Variants in TENM4 observed in about 807,000 individuals in gnomAD.
TENM4 encodes the protein teneurin-4.
Under a neutral mutation model 243.3 loss-of-function variants are expected in TENM4, and 82 were observed. The observed-to-expected ratio is 0.34, with a 90% CI of 0.28 to 0.40. TENM4 has a LOEUF of 0.40. Among genes scored for constraint, TENM4 ranks in the 10% least tolerant of loss-of-function variants. TENM4 has a pLI of 1.00. For missense variants in TENM4, 3,138 were observed against 3,673.3 expected (o/e 0.85, Z 3.77); for synonymous variants, 1,412 against 1,456.3 (o/e 0.97, Z 0.69).
At chr11:79,398,182 A>G (rs1858384173) in intron 1 of TENM4, among the ~76,000 whole-genome samples, 2 of 151,802 alleles carry the variant, frequency 1.3e-5, no homozygotes, top group East Asian at 3.9e-4. Context: ...TTTTTTTCCT[A>G]TGCTTTGCAA....
chr11:79,017,106 C>T lies in TENM4; in HGVS notation c.493+47632G>A, dbSNP rs182672681. On this transcript the variant is annotated intron_variant, in intron 6 of 33. Coordinates refer to ENST00000278550, the MANE Select transcript of TENM4 (RefSeq NM_001098816.3). ...AGTGGGCTGCATTGAGGTCAGGTGA[C>T]GAGAATGATGGAGGAGATCAATTTT... is the stretch of plus-strand genomic sequence containing the variant. Among the ~76,000 whole-genome samples the T allele has an allele frequency of 5.5e-3, 831 of 152,278 alleles. 4 individuals carry two copies. The highest frequency in any genetic ancestry group is 6.9e-3 in the Non-Finnish European group (468 of 68,022).
chr11:79,319,747 G>T (rs1856857939), intron 1 of TENM4, among the ~76,000 whole-genome samples: 1 of 151,932 alleles, frequency 6.6e-6, no homozygotes, highest in Non-Finnish European at 1.5e-5. Flanking sequence ...TGTGTTGAAA[G>T]ATGCAAGTGG....
intron 1 of TENM4, among the ~76,000 whole-genome samples, chr11:79,428,998 T>C (rs1859112311): frequency 6.6e-6 from 1 of 152,214 alleles, no homozygotes; most frequent in Non-Finnish European, 1.5e-5. Context: ...GGTGGGGGCA[T>C]GGTGCTAGTC....
intron 2 of TENM4, among the ~76,000 whole-genome samples, chr11:79,274,897 C>T (rs1057386616): frequency 6.6e-6 from 1 of 152,212 alleles, no homozygotes; most frequent in Non-Finnish European, 1.5e-5. Flanking sequence ...AGACTTCTCC[C>T]CGGGCCTCAG....
intron 1 of TENM4, among the ~76,000 whole-genome samples, chr11:79,409,211 A>G (rs528267112): frequency 6.6e-6 from 1 of 152,014 alleles, no homozygotes; most frequent in South Asian, 2.1e-4. Context: ...AAAAAAAAAA[A>G]AAGATTATAC....
At chr11:79,411,692 G>GGGTTTTT (rs1272999224) in intron 1 of TENM4, among the ~76,000 whole-genome samples, 1 of 152,104 alleles carries the variant, frequency 6.6e-6, no homozygotes, top group Non-Finnish European at 1.5e-5. Context: ...TGAGGTTTTG[G>GGGTTTTT]GGTTTTTGGT....
chr11:78,693,654 C>T (rs1565335159), intron 28 of TENM4, among the ~76,000 whole-genome samples: 1 of 152,114 alleles, frequency 6.6e-6, no homozygotes, highest in Non-Finnish European at 1.5e-5. Flanking sequence ...TTATTTCCTC[C>T]CACTGATTTT....
At chr11:79,021,683 G>A (rs183772360) in intron 6 of TENM4, 2 of 152,446 alleles carry the variant, frequency 1.3e-5, no homozygotes, top group East Asian at 1.9e-4. Context: ...GTACTGAAAT[G>A]GTCATAGGGT....
At chr11:79,131,832 G>A (rs185602754) in intron 4 of TENM4, among the ~76,000 whole-genome samples, 3 of 152,210 alleles carry the variant, frequency 2.0e-5, no homozygotes, top group Admixed American at 6.5e-5. Context: ...TTAAAGTAAA[G>A]GGGTGGGAAA....
At chr11:78,866,427 A>G (rs961561862) in intron 9 of TENM4, among the ~76,000 whole-genome samples, 4 of 143,110 alleles carry the variant, frequency 2.8e-5, no homozygotes, top group Non-Finnish European at 6.0e-5. Flanking sequence ...GCTTTCTTTT[A>G]TATTTAACAA....
At chr11:79,244,004 T>C (rs1294156406) in intron 2 of TENM4, among the ~76,000 whole-genome samples, 2 of 152,210 alleles carry the variant, frequency 1.3e-5, no homozygotes, top group Non-Finnish European at 2.9e-5. Context: ...GCTCCCGTGA[T>C]GCTGATGCTC....
At chr11:79,262,354 G>C (rs1489149499) in intron 2 of TENM4, among the ~76,000 whole-genome samples, 1 of 152,136 alleles carries the variant, frequency 6.6e-6, no homozygotes, top group Non-Finnish European at 1.5e-5. Flanking sequence ...CCCAGCCATT[G>C]GTCTGACACT....
At chr11:79,338,166 T>C (rs766258480) in intron 1 of TENM4, among the ~76,000 whole-genome samples, 2 of 152,202 alleles carry the variant, frequency 1.3e-5, no homozygotes, top group Non-Finnish European at 2.9e-5. Context: ...TGCTTAAATA[T>C]GTTTGTCAAA....
intron 2 of TENM4, among the ~76,000 whole-genome samples, chr11:79,224,427 A>G (rs1227074747): frequency 6.6e-6 from 1 of 152,172 alleles, no homozygotes; most frequent in East Asian, 1.9e-4. Flanking sequence ...TGAAGGAAGA[A>G]TGTAGTATCT....
At chr11:79,407,132 C>A (rs1459949411) in intron 1 of TENM4, among the ~76,000 whole-genome samples, 1 of 152,166 alleles carries the variant, frequency 6.6e-6, no homozygotes, top group Non-Finnish European at 1.5e-5. Context: ...GTATGAGTAC[C>A]TAACTATGTG....
intron 22 of TENM4, among the ~76,000 whole-genome samples, chr11:78,727,502 T>A (rs192004713): frequency 1.3e-4 from 20 of 152,300 alleles, no homozygotes; most frequent in Admixed American, 2.6e-4. Context: ...GAATCACATA[T>A]GACTTTTTTC....
intron 1 of TENM4, among the ~76,000 whole-genome samples, chr11:79,298,320 C>T (rs1217259862): frequency 2.6e-5 from 4 of 151,658 alleles, no homozygotes; most frequent in Non-Finnish European, 5.9e-5. Flanking sequence ...TCGAGACCAT[C>T]CTGGCTAACA....
intron 6 of TENM4, among the ~76,000 whole-genome samples, chr11:78,978,429 C>T (rs751665460): frequency 5.9e-5 from 9 of 151,966 alleles, no homozygotes; most frequent in South Asian, 2.1e-4. Flanking sequence ...TCCATTTAGT[C>T]CTTGCAACAC....
intron 6 of TENM4, among the ~76,000 whole-genome samples, chr11:78,908,302 C>A (rs1188815371): frequency 1.3e-5 from 2 of 152,174 alleles, no homozygotes; most frequent in Non-Finnish European, 2.9e-5. Flanking sequence ...ATGGAAATAA[C>A]GCCCACCTTA....
Sources: gnomAD v4.1 joint callset for allele counts (sites outside exome capture counted in the v4.1 genomes callset) on GRCh38, gnomAD v4.1.1 for gene constraint, MANE v1.5 for transcripts, NCBI Gene and HGNC (gene_info 2026-07-23, HGNC 2026-07-21) for gene names.